Variants in C9orf85 observed in about 807,000 individuals in gnomAD.
The protein encoded by C9orf85 is uncharacterized protein C9orf85.
In C9orf85, 16 loss-of-function variants were observed where a neutral mutation model predicts 14.9. The ratio of observed to expected loss-of-function variants is 1.08; its 90% CI spans 0.73 to 1.63. The LOEUF is 1.63. C9orf85 is among the 40% of genes most tolerant of loss of function. C9orf85 has a pLI of 0.00. For synonymous variants in C9orf85, 45 were observed against 56.8 expected, an observed-to-expected ratio of 0.79 and a Z score of 0.93; for missense variants, 172 against 186.1, an observed-to-expected ratio of 0.92 and a Z score of 0.44.
chr9:71,937,709 ATAT>A (rs1828225068), intron 1 of C9orf85, among the ~76,000 whole-genome samples: 1 of 152,144 alleles, frequency 6.6e-6, no homozygotes, highest in South Asian at 2.1e-4. Context: ...ACTTCAGAGA[ATAT>A]TATTTTAGCT....
At chr9:71,950,622 G>A (rs973471802) in intron 2 of C9orf85, among the ~76,000 whole-genome samples, 6 of 152,064 alleles carry the variant, frequency 3.9e-5, no homozygotes, top group African/African-American at 7.2e-5. Flanking sequence ...CACCTGCCTC[G>A]GCTTCCCAAA....
intron 2 of C9orf85, among the ~76,000 whole-genome samples, chr9:71,952,610 A>G (rs926197020): frequency 4.0e-5 from 6 of 151,896 alleles, no homozygotes; most frequent in African/African-American, 7.3e-5. Flanking sequence ...TGATCCGCCC[A>G]CCTCAGCCTC....
chr9:71,983,685 G>T (rs1254014746), downstream of C9orf85: 1 of 152,164 alleles, frequency 6.6e-6, no homozygotes, highest in Non-Finnish European at 1.5e-5. Flanking sequence ...TTTAGAATTG[G>T]AAGGCATGTA....
intron 2 of C9orf85, among the ~76,000 whole-genome samples, chr9:71,970,603 G>A (rs1223871232): frequency 6.6e-6 from 1 of 152,066 alleles, no homozygotes; most frequent in Non-Finnish European, 1.5e-5. Flanking sequence ...GGTTACTGTA[G>A]GTTTGTAGTG....
intron 2 of C9orf85, among the ~76,000 whole-genome samples, chr9:71,965,032 C>T (rs895945963): frequency 6.6e-6 from 1 of 152,108 alleles, no homozygotes; most frequent in Non-Finnish European, 1.5e-5. Context: ...GGTGGGTCTG[C>T]GACGGCAGCA....
intron 1 of C9orf85, among the ~76,000 whole-genome samples, chr9:71,944,105 A>G (rs1822018419): frequency 6.6e-6 from 1 of 151,680 alleles, no homozygotes; most frequent in Non-Finnish European, 1.5e-5. Context: ...ATGCTGGTGC[A>G]CGCCTGTAAT....
In C9orf85 at chr9:71,915,903, T is replaced by C. The variant is rs535353058; in HGVS notation, c.102+4067T>C. 8.5e-5 allele frequency among the ~76,000 whole-genome samples: 13 copies of C among 152,348 alleles called. No homozygotes were observed. The South Asian group carries it at 2.7e-3, about 32-fold the overall frequency. ...TTCCTATTAATAAACATTGAGTTGTTTTCAGTTTTGCACTATGCCAAAAAG... is the reference window on the plus strand; with the variant it reads ...TTCCTATTAATAAACATTGAGTTGTCTTCAGTTTTGCACTATGCCAAAAAG... On this transcript the variant is annotated intron_variant, in intron 1 of 3. Transcript: ENST00000334731.
chr9:71,954,859 G>C (rs898076991), intron 2 of C9orf85, among the ~76,000 whole-genome samples: 1 of 152,142 alleles, frequency 6.6e-6, no homozygotes, highest in Non-Finnish European at 1.5e-5. Context: ...ATTCAAGATG[G>C]AGTTGCTCTG....
chr9:71,933,103 G>C (rs939065707), intron 1 of C9orf85, among the ~76,000 whole-genome samples: 1 of 152,134 alleles, frequency 6.6e-6, no homozygotes, highest in African/African-American at 2.4e-5. Context: ...GGGAAAAAGT[G>C]AACAGAGTCT....
chr9:71,945,210 A>T (rs868193951), intron 1 of C9orf85, among the ~76,000 whole-genome samples: 3 of 152,252 alleles, frequency 2.0e-5, no homozygotes, highest in African/African-American at 4.8e-5. Context: ...GCTTAGTAAG[A>T]TGTTCTAGAC....
downstream of C9orf85, among the ~76,000 whole-genome samples, chr9:71,977,232 T>G (rs1823020667): frequency 6.7e-6 from 1 of 148,692 alleles, no homozygotes; most frequent in African/African-American, 2.5e-5. Context: ...AAAAAAAAAG[T>G]TAATTACACG....
chr9:71,942,663 G>A (rs1821968161), intron 1 of C9orf85, among the ~76,000 whole-genome samples: 1 of 152,202 alleles, frequency 6.6e-6, no homozygotes, highest in African/African-American at 2.4e-5. Context: ...AGCACCTTGG[G>A]AGGCCAAGGT....
At chr9:71,980,078 A>G (rs571859369) in intron 3 of C9orf85, among the ~76,000 whole-genome samples, 1 of 148,776 alleles carries the variant, frequency 6.7e-6, no homozygotes, top group African/African-American at 2.5e-5. Context: ...CAGTGGCACA[A>G]TCTCGGCTCA....
At chr9:71,965,412 T>C (rs530678244) in intron 2 of C9orf85, among the ~76,000 whole-genome samples, 1 of 25,046 alleles carries the variant, frequency 4.0e-5, no homozygotes, top group Non-Finnish European at 7.7e-5. Context: ...GCCTAGGAAA[T>C]TCAGCTAGTC....
chr9:71,965,321 C>G (rs969769743), intron 2 of C9orf85, among the ~76,000 whole-genome samples: 1 of 152,120 alleles, frequency 6.6e-6, no homozygotes, highest in Non-Finnish European at 1.5e-5. Flanking sequence ...CCTGATTCGT[C>G]GGGTGTGAGT....
Position 71,911,814 on chromosome 9 carries a change from T to G in C9orf85, c.80T>G (p.Phe27Cys). Residue 27 changes from phenylalanine to cysteine, a missense_variant, in exon 1 of 4, where the codon TTC (phenylalanine) becomes TGC (cysteine). Coordinates refer to ENST00000334731, the MANE Select transcript of C9orf85 (RefSeq NM_182505.5). ...QNTFSFKNDK[F>C]DKSVQTKKIN... ...ACGTTTAGCTTCAAAAATGACAAGT[T>G]CGATAAAAGTGTGCAGACCAAGGTA... 1 of 1,614,032 alleles carries G rather than the reference T, an allele frequency of 6.2e-7. No homozygotes were observed. The highest frequency in any genetic ancestry group is 8.5e-7 in the Non-Finnish European group (1 of 1,179,988).
chr9:71,976,261 T>A (rs2132371977), downstream of C9orf85, among the ~76,000 whole-genome samples: 1 of 152,350 alleles, frequency 6.6e-6, no homozygotes, highest in East Asian at 1.9e-4. Flanking sequence ...TGCACCTTGA[T>A]ATCTGGCAGG....
At chr9:71,970,376 T>C (rs903954111) in intron 2 of C9orf85, among the ~76,000 whole-genome samples, 4 of 152,218 alleles carry the variant, frequency 2.6e-5, no homozygotes, top group Admixed American at 2.6e-4. Context: ...AAATTGTCAT[T>C]TTGGCTGATA....
At chr9:71,976,848 C>G (rs909062022), downstream of C9orf85, among the ~76,000 whole-genome samples, 2 of 152,012 alleles carry the variant, frequency 1.3e-5, no homozygotes, top group African/African-American at 4.8e-5. Context: ...ATATAGTACC[C>G]CCGTTGTCCC....
Sources: gnomAD v4.1 joint callset for allele counts (sites outside exome capture counted in the v4.1 genomes callset) on GRCh38, gnomAD v4.1.1 for gene constraint, MANE v1.5 for transcripts, NCBI Gene and HGNC (gene_info 2026-07-23, HGNC 2026-07-21) for gene names.